HLCS: variants seen among roughly 807,000 people sequenced by gnomAD.
HLCS encodes the protein holocarboxylase synthetase, also known as biotin--protein ligase.
Under a neutral mutation model 75.0 loss-of-function variants are expected in HLCS, and 53 were observed. The observed-to-expected ratio is 0.71, with a 90% CI of 0.57 to 0.89. HLCS has a LOEUF of 0.89. Ranked by LOEUF, HLCS falls within the 40% of genes least tolerant of loss-of-function variation. HLCS has a pLI of 0.00. For synonymous variants in HLCS, 431 were observed against 428.6 expected (o/e 1.01, Z -0.07); for missense variants, 966 against 1,074.0 (o/e 0.90, Z 1.41).
At chr21:36,984,227 C>CA (rs1025682051) in intron 1 of HLCS, among the ~76,000 whole-genome samples, 18 of 22,284 alleles carry the variant, frequency 8.1e-4, no homozygotes, top group African/African-American at 1.3e-3. Flanking sequence ...CCCTTATCCA[C>CA]AAGGGTATGT....
chr21:36,785,182 T>C (rs919001177), intron 6 of HLCS, among the ~76,000 whole-genome samples: 2 of 151,778 alleles, frequency 1.3e-5, no homozygotes, highest in African/African-American at 4.8e-5. Context: ...GGCTCCCACC[T>C]CTCTTCAGAG....
chr21:36,824,711 C>G (rs1045843491), intron 6 of HLCS, among the ~76,000 whole-genome samples: 3 of 152,270 alleles, frequency 2.0e-5, no homozygotes, highest in Admixed American at 6.5e-5. Context: ...AGGGATTTTA[C>G]GAGAACTAGA....
At chr21:36,778,135 A>AT (rs1207789427) in intron 6 of HLCS, among the ~76,000 whole-genome samples, 19 of 151,502 alleles carry the variant, frequency 1.3e-4, no homozygotes, top group South Asian at 2.1e-4. Context: ...CGCCCGGCTA[A>AT]TTTTTTTGTA....
intron 6 of HLCS, among the ~76,000 whole-genome samples, chr21:36,819,351 C>CCCACTTTGTTT (rs1440754321): frequency 6.6e-6 from 1 of 152,176 alleles, no homozygotes; most frequent in African/African-American, 2.4e-5. Context: ...TATGATCCTG[C>CCCACTTTGTTT]CCACTTTGTT....
intron 5 of HLCS, among the ~76,000 whole-genome samples, chr21:36,909,840 T>C (rs1053797105): frequency 4.6e-5 from 7 of 152,248 alleles, no homozygotes; most frequent in African/African-American, 1.2e-4. Context: ...ATATTTCTTA[T>C]GATCTCCATG....
intron 7 of HLCS, 133 bp downstream of exon 7, chr21:36,767,085 G>A (rs560664602): frequency 4.6e-5 from 38 of 822,966 alleles, no homozygotes; most frequent in South Asian, 7.0e-5. Context: ...CATTCCAGGC[G>A]GTTATGAAAA....
At chr21:36,874,977 C>T (rs931328764) in intron 6 of HLCS, among the ~76,000 whole-genome samples, 4 of 152,194 alleles carry the variant, frequency 2.6e-5, no homozygotes, top group African/African-American at 7.2e-5. Flanking sequence ...TAGCCAAGCG[C>T]GGGTGCTGTC....
At chr21:36,774,122 C>T (rs776044517) in intron 6 of HLCS, among the ~76,000 whole-genome samples, 7 of 152,100 alleles carry the variant, frequency 4.6e-5, no homozygotes, top group Non-Finnish European at 7.3e-5. Flanking sequence ...AGCTGTGCAA[C>T]GCATGGGGAC....
chr21:36,786,336 G>A (rs2060686475), intron 6 of HLCS, among the ~76,000 whole-genome samples: 1 of 151,580 alleles, frequency 6.6e-6, no homozygotes, highest in Admixed American at 6.6e-5. Context: ...AAAGGTGTCA[G>A]GAAACACGCT....
At chr21:36,896,502 C>T (rs1331813579) in intron 6 of HLCS, 2 of 340,964 alleles carry the variant, frequency 5.9e-6, no homozygotes, top group East Asian at 7.0e-5. Flanking sequence ...TATTAAATGT[C>T]TAACACTGAT....
intron 6 of HLCS, among the ~76,000 whole-genome samples, chr21:36,826,159 C>T (rs1041437): frequency 0.12 from 17,893 of 152,146 alleles, 1,819 homozygotes; most frequent in African/African-American, 0.27. Context: ...ACTGCACACT[C>T]GTGAAACAGT....
upstream of HLCS, among the ~76,000 whole-genome samples, chr21:36,971,124 TAAAG>T (rs1474728039): frequency 1.3e-5 from 2 of 152,154 alleles, no homozygotes; most frequent in South Asian, 2.1e-4. Flanking sequence ...TTAATCAAAA[TAAAG>T]AGAAAAGTAG....
chr21:36,795,350 A>C (rs2060996563), intron 6 of HLCS, among the ~76,000 whole-genome samples: 1 of 152,340 alleles, frequency 6.6e-6, no homozygotes, highest in South Asian at 2.1e-4. Flanking sequence ...AGGGATCCGG[A>C]AACACTGAGG....
intron 6 of HLCS, among the ~76,000 whole-genome samples, chr21:36,781,251 C>T (rs1312267720): frequency 7.8e-6 from 1 of 127,828 alleles, no homozygotes; most frequent in Non-Finnish European, 1.6e-5. Flanking sequence ...GAGCGTGAAA[C>T]TCTGTCTCAA....
rs760995963 is a variant in HLCS, at chr21:36,930,255, G to A, written c.1616C>T (p.Ala539Val). 63 of 1,613,964 alleles carry A rather than the reference G, an allele frequency of 3.9e-5. No individual in the cohort carries two copies. Among genetic ancestry groups the A allele is most frequent in the Non-Finnish European group, 4.6e-5 (54 of 1,179,974 alleles). Residue 539 changes from alanine to valine, a missense_variant, in exon 5 of 11, where the codon GCG becomes GTG. By Grantham distance (64) the Ala-to-Val change is moderately conservative. Transcript: ENST00000674895. ...ALTPLYLLSA[A>V]EEIRDPLMQW... The stretch of plus-strand genomic sequence containing the variant: ...CCAGCTGAGCCCACAACTCACCTCC[G>A]CAGCTGACAGCAAGTAAAGAGGAGT...
intron 6 of HLCS, among the ~76,000 whole-genome samples, chr21:36,771,207 G>GA (rs1276369871): frequency 1.4e-5 from 2 of 139,248 alleles, no homozygotes; most frequent in Non-Finnish European, 3.1e-5. Flanking sequence ...GCGACAGAGC[G>GA]AGACTCCGTC....
chr21:36,897,805 C>G (rs1057373029), intron 5 of HLCS, among the ~76,000 whole-genome samples: 1 of 152,208 alleles, frequency 6.6e-6, no homozygotes, highest in African/African-American at 2.4e-5. Flanking sequence ...GCTCTCTACT[C>G]TATCCCCAAA....
chr21:36,955,963 C>A (rs1024899827), intron 2 of HLCS, among the ~76,000 whole-genome samples: 4 of 152,234 alleles, frequency 2.6e-5, no homozygotes, highest in African/African-American at 9.6e-5. Flanking sequence ...AGGTTTATAG[C>A]CTAGGAGCAA....
At chr21:36,769,189 A>G (rs1341262699) in intron 6 of HLCS, among the ~76,000 whole-genome samples, 1 of 152,226 alleles carries the variant, frequency 6.6e-6, no homozygotes, top group African/African-American at 2.4e-5. Flanking sequence ...GCAGCAGTTA[A>G]CAGGGCATAT....
Sources: gnomAD v4.1 joint callset for allele counts (sites outside exome capture counted in the v4.1 genomes callset) on GRCh38, gnomAD v4.1.1 for gene constraint, MANE v1.5 for transcripts, NCBI Gene and HGNC (gene_info 2026-07-23, HGNC 2026-07-21) for gene names.